DCUN1D4: variants seen among roughly 807,000 people sequenced by gnomAD.
DCUN1D4 encodes the protein defective in cullin neddylation 1 domain containing 4, also known as DCN1-like protein 4.
DCUN1D4 carries 22 observed loss-of-function variants against 47.9 expected under a neutral mutation model. That is an observed-to-expected ratio of 0.46 (90% confidence interval 0.33 to 0.66). The LOEUF is 0.66. Among genes scored for constraint, DCUN1D4 ranks in the 30% least tolerant of loss-of-function variants. DCUN1D4 has a pLI of 0.02. For synonymous variants in DCUN1D4, 121 were observed against 112.2 expected (o/e 1.08, Z -0.50); for missense variants, 301 against 340.8 (o/e 0.88, Z 0.92).
At chr4:51,843,317 C>T in intron 1 of DCUN1D4, 50 bp downstream of exon 1, 1 of 1,495,168 alleles carries the variant, frequency 6.7e-7, no homozygotes, top group Middle Eastern at 2.0e-4. Context: ...GGCTGCCAAA[C>T]TCGCCACTCG....
intron 1 of DCUN1D4, among the ~76,000 whole-genome samples, chr4:51,847,143 G>C (rs779585395): frequency 2.0e-5 from 3 of 152,146 alleles, no homozygotes; most frequent in Non-Finnish European, 4.4e-5. Context: ...AGAAGAATGC[G>C]CTGGGTTGGC....
intron 1 of DCUN1D4, among the ~76,000 whole-genome samples, chr4:51,858,165 G>C (rs544703728): frequency 1.3e-5 from 2 of 152,206 alleles, no homozygotes; most frequent in South Asian, 4.2e-4. Flanking sequence ...ATATATTTAC[G>C]GAGTACAATG....
At chr4:51,857,495 C>T (rs1378075573) in intron 1 of DCUN1D4, among the ~76,000 whole-genome samples, 1 of 152,174 alleles carries the variant, frequency 6.6e-6, no homozygotes, top group Non-Finnish European at 1.5e-5. Context: ...TCTCAGACTT[C>T]CCACCAATGT....
chr4:51,863,585 A>G (rs1725421738), intron 2 of DCUN1D4, 78 bp downstream of exon 2: 3 of 1,576,612 alleles, frequency 1.9e-6, no homozygotes, highest in Non-Finnish European at 2.6e-6. Flanking sequence ...ATAAAAATTT[A>G]GATTCTAGAT....
At chr4:51,892,177 A>G (rs966772455) in intron 7 of DCUN1D4, among the ~76,000 whole-genome samples, 3 of 152,352 alleles carry the variant, frequency 2.0e-5, no homozygotes, top group African/African-American at 7.2e-5. Context: ...GCTACATGTA[A>G]AAGTAGAAAC....
chr4:51,901,100 C>T (rs1578030381), intron 8 of DCUN1D4, among the ~76,000 whole-genome samples: 1 of 152,122 alleles, frequency 6.6e-6, no homozygotes, highest in African/African-American at 2.4e-5. Context: ...CACATTCTTT[C>T]ACTTCTTACC....
Position 51,916,778 on chromosome 4 carries a change from A to C in DCUN1D4, c.*3194A>C, listed in dbSNP as rs1206710946. 1 of 152,614 alleles carries C rather than the reference A, an allele frequency of 6.6e-6. No individual in the cohort carries two copies. Among genetic ancestry groups the C allele is most frequent in the Non-Finnish European group, 1.5e-5 (1 of 68,016 alleles). The allele number at this position is 152,614 out of a possible 1,614,324, so 9.5% of individuals were successfully genotyped here. A position where few individuals can be genotyped will look rare whatever the true frequency, so the allele number is the denominator to read the frequency against. Reference sequence around the variant, plus strand: ...GTACAGCAAACTGGTTTTAGGTTTCAATGACATTGATGTAAAATGATATCC... The same window carrying C: ...GTACAGCAAACTGGTTTTAGGTTTCCATGACATTGATGTAAAATGATATCC... On this transcript the variant is annotated 3_prime_UTR_variant, in exon 11 of 11. Coordinates refer to ENST00000334635, the MANE Select transcript of DCUN1D4 (RefSeq NM_001040402.3).
the DCUN1D4 span, among the ~76,000 whole-genome samples, chr4:51,837,601 G>A: frequency 7.5e-6 from 1 of 134,184 alleles, no homozygotes. Flanking sequence ...CTTGCAGTGA[G>A]CGGAGATCGC....
chr4:51,854,604 T>C (rs1723851924), intron 1 of DCUN1D4, among the ~76,000 whole-genome samples: 1 of 152,240 alleles, frequency 6.6e-6, no homozygotes, highest in South Asian at 2.1e-4. Flanking sequence ...ATTGAACAAG[T>C]TGTCTTTGCC....
intron 6 of DCUN1D4, among the ~76,000 whole-genome samples, chr4:51,890,031 T>G (rs963051644): frequency 6.6e-6 from 1 of 152,184 alleles, no homozygotes; most frequent in Non-Finnish European, 1.5e-5. Flanking sequence ...CTCACTGATA[T>G]TAATTTCCAG....
chr4:51,878,468 C>T (rs975150378), intron 5 of DCUN1D4, among the ~76,000 whole-genome samples: 4 of 152,152 alleles, frequency 2.6e-5, no homozygotes, highest in African/African-American at 9.7e-5. Flanking sequence ...ATTTCAGGCT[C>T]TTTTATAACT....
chr4:51,858,759 C>T (rs923387736), intron 1 of DCUN1D4, among the ~76,000 whole-genome samples: 12 of 152,326 alleles, frequency 7.9e-5, no homozygotes, highest in Non-Finnish European at 1.2e-4. Context: ...CAAACAATGG[C>T]CCATGGGGCA....
chr4:51,837,350 A>C, the DCUN1D4 span, among the ~76,000 whole-genome samples: 2 of 152,232 alleles, frequency 1.3e-5, no homozygotes, highest in African/African-American at 4.8e-5. Flanking sequence ...AAGACTTGCT[A>C]ATGCTACCCT....
intron 1 of DCUN1D4, among the ~76,000 whole-genome samples, 190 bp from the exon 2 acceptor site, chr4:51,863,247 T>TG (rs2109900000): frequency 6.6e-6 from 1 of 152,336 alleles, no homozygotes; most frequent in East Asian, 1.9e-4. Flanking sequence ...CTTTAACATT[T>TG]GGTTGGGAAT....
At chr4:51,866,596 T>C (rs1284344681) in intron 3 of DCUN1D4, among the ~76,000 whole-genome samples, 3 of 152,216 alleles carry the variant, frequency 2.0e-5, no homozygotes, top group Non-Finnish European at 4.4e-5. Flanking sequence ...TGTACACTTA[T>C]GCTTATATGT....
intron 7 of DCUN1D4, among the ~76,000 whole-genome samples, chr4:51,899,034 A>T (rs1485889446): frequency 6.6e-6 from 1 of 152,248 alleles, no homozygotes; most frequent in East Asian, 1.9e-4. Context: ...GAGTACATAA[A>T]TATAAAAAAG....
intron 4 of DCUN1D4, chr4:51,875,354 A>G (rs547933626): frequency 5.9e-5 from 9 of 152,172 alleles, no homozygotes; most frequent in African/African-American, 9.7e-5. Flanking sequence ...CAGAATTGTT[A>G]AATTCTAACA....
At chr4:51,899,531 T>G (rs182725313) in intron 8 of DCUN1D4, among the ~76,000 whole-genome samples, 153 bp downstream of exon 8, 225 of 152,312 alleles carry the variant, frequency 1.5e-3, no homozygotes, top group Middle Eastern at 0.014. Flanking sequence ...ATGTATGCTT[T>G]TGAAAACTAA....
At chr4:51,834,772 G>A in the DCUN1D4 span, among the ~76,000 whole-genome samples, 1 of 152,098 alleles carries the variant, frequency 6.6e-6, no homozygotes, top group African/African-American at 2.4e-5. Flanking sequence ...GGGAGCAGAG[G>A]CTCCCAAAGA....
Sources: gnomAD v4.1 joint callset for allele counts (sites outside exome capture counted in the v4.1 genomes callset) on GRCh38, gnomAD v4.1.1 for gene constraint, MANE v1.5 for transcripts, NCBI Gene and HGNC (gene_info 2026-07-23, HGNC 2026-07-21) for gene names.